The following CREB5 variants were observed in gnomAD, a reference collection of about 807,000 sequenced individuals.
The protein encoded by CREB5 is cyclic AMP-responsive element-binding protein 5.
In CREB5, 19 loss-of-function variants were observed where a neutral mutation model predicts 57.1. The observed-to-expected ratio is 0.33, with a 90% CI of 0.23 to 0.49. The LOEUF is 0.49. CREB5 is among the 20% of genes least tolerant of loss of function. The pLI is 0.99. For missense variants in CREB5, 579 were observed against 671.6 expected (o/e 0.86, Z 1.52); for synonymous variants, 238 against 238.3 (o/e 1.00, Z 0.01).
intron 4 of CREB5, among the ~76,000 whole-genome samples, chr7:28,551,010 T>C (rs971229905): frequency 2.6e-5 from 4 of 152,166 alleles, no homozygotes; most frequent in Admixed American, 2.6e-4. Context: ...ATACTTGATG[T>C]GGATTTGCTG....
chr7:28,354,989 C>CT (rs1786311529), intron 1 of CREB5, among the ~76,000 whole-genome samples: 1 of 152,178 alleles, frequency 6.6e-6, no homozygotes, highest in Non-Finnish European at 1.5e-5. Context: ...TAGCCACCCC[C>CT]GCATGGCTTG....
chr7:28,507,833 C>G, intron 4 of CREB5, 96 bp downstream of exon 4: 1 of 1,321,774 alleles, frequency 7.6e-7, no homozygotes, highest in South Asian at 2.4e-5. Flanking sequence ...GTTGATGTGG[C>G]CTTGAAGTAT....
At chr7:28,592,734 C>A (rs1217247567) in intron 5 of CREB5, among the ~76,000 whole-genome samples, 2 of 152,088 alleles carry the variant, frequency 1.3e-5, no homozygotes, top group Admixed American at 6.5e-5. Context: ...AAAGGGTCAC[C>A]AAGAAGTGAG....
In CREB5 at chr7:28,381,924, G is replaced by A. The variant is rs555775224; in HGVS notation, c.-25+82483G>A. ...AAAAAAAGGTTTTGTTACGGGAATT[G>A]GCTCACTTGATGACAAAGGCTAAGT... On this transcript the variant is annotated intron_variant, in intron 1 of 9. Transcript: ENST00000396299. Among the ~76,000 whole-genome samples, 26 of 152,340 alleles carry A rather than the reference G, an allele frequency of 1.7e-4. No individual in the cohort carries two copies. In the South Asian group the frequency reaches 5.4e-3, roughly 32 times the overall value.
intron 1 of CREB5, among the ~76,000 whole-genome samples, chr7:28,397,949 A>T (rs114452698): frequency 1.3e-5 from 2 of 152,210 alleles, no homozygotes; most frequent in Non-Finnish European, 2.9e-5. Flanking sequence ...TAAAATATAT[A>T]TAACAAAATT....
chr7:28,735,536 T>C (rs2128753512), intron 7 of CREB5, among the ~76,000 whole-genome samples: 1 of 152,302 alleles, frequency 6.6e-6, no homozygotes, highest in Non-Finnish European at 1.5e-5. Context: ...GCTGACTCCA[T>C]TCTCAAGCAA....
intron 7 of CREB5, among the ~76,000 whole-genome samples, chr7:28,764,634 C>T (rs1805854808): frequency 6.6e-6 from 1 of 152,192 alleles, no homozygotes; most frequent in South Asian, 2.1e-4. Flanking sequence ...CTTTTCAAAA[C>T]TCTTTGCAAA....
At chr7:28,704,062 C>T (rs1056470581) in intron 5 of CREB5, among the ~76,000 whole-genome samples, 4 of 152,178 alleles carry the variant, frequency 2.6e-5, no homozygotes, top group East Asian at 1.9e-4. Flanking sequence ...CTCAAAATGT[C>T]CAGTTTAAAC....
At chr7:28,392,945 A>G (rs1330688745) in intron 1 of CREB5, among the ~76,000 whole-genome samples, 2 of 149,970 alleles carry the variant, frequency 1.3e-5, no homozygotes, top group Admixed American at 1.3e-4. Context: ...TTTTTTTGAG[A>G]CAGAGTTTCG....
At chr7:28,801,497 T>TC (rs1407316515) in intron 7 of CREB5, among the ~76,000 whole-genome samples, 1 of 152,130 alleles carries the variant, frequency 6.6e-6, no homozygotes, top group Non-Finnish European at 1.5e-5. Flanking sequence ...ACCCAGCAAT[T>TC]CCCCAGATTT....
chr7:28,545,397 G>A (rs115631849), intron 4 of CREB5, among the ~76,000 whole-genome samples: 1,651 of 152,290 alleles, frequency 0.011, 31 homozygotes, highest in African/African-American at 0.038. Context: ...TTATTGTGCA[G>A]GCAGTGCCTT....
intron 5 of CREB5, among the ~76,000 whole-genome samples, chr7:28,678,505 C>G (rs1323714553): frequency 1.3e-5 from 2 of 152,196 alleles, no homozygotes; most frequent in Non-Finnish European, 2.9e-5. Context: ...TTAAAAGAGT[C>G]ACTATGATCA....
At chr7:28,733,772 G>C (rs1298551550) in intron 7 of CREB5, among the ~76,000 whole-genome samples, 1 of 152,140 alleles carries the variant, frequency 6.6e-6, no homozygotes, top group East Asian at 1.9e-4. Context: ...TCCTGTACTT[G>C]CTAGGTGCCC....
chr7:28,480,798 G>A lies in CREB5; in HGVS notation c.4-7377G>A, dbSNP rs369802557. The stretch of plus-strand genomic sequence containing the variant: ...TAAATGCGGTTCATACGCATTCAGC[G>A]ACTTACTCAACATTGCACCTCTCAT... On this transcript the variant is annotated intron_variant, in intron 1 of 10. Coordinates refer to ENST00000357727, the MANE Select transcript of CREB5 (RefSeq NM_182898.4). Among the ~76,000 whole-genome samples the A allele has an allele frequency of 3.9e-5, 6 of 152,246 alleles. 1 individual carries two copies. The East Asian group carries it at 9.7e-4, about 24-fold the overall frequency.
chr7:28,798,377 G>GGTGGGTGTGGGTGGGT (rs1407632592), intron 7 of CREB5, among the ~76,000 whole-genome samples: 4 of 152,164 alleles, frequency 2.6e-5, no homozygotes, highest in Admixed American at 1.3e-4. Context: ...GGTGGGTGTG[G>GGTGGGTGTGGGTGGGT]GTGGGTGTGC....
chr7:28,524,462 ACT>A (rs1342326707), intron 4 of CREB5, among the ~76,000 whole-genome samples: 1 of 152,098 alleles, frequency 6.6e-6, no homozygotes, highest in African/African-American at 2.4e-5. Flanking sequence ...AGATCGTGTC[ACT>A]GCACTCCAGC....
At chr7:28,585,856 C>T (rs1047969775) in intron 5 of CREB5, among the ~76,000 whole-genome samples, 48 of 152,192 alleles carry the variant, frequency 3.2e-4, no homozygotes, top group African/African-American at 1.0e-3. Context: ...GACACCTGTG[C>T]GGTCGGAACT....
intron 7 of CREB5, among the ~76,000 whole-genome samples, chr7:28,725,646 A>T (rs6971665): frequency 0.53 from 70,858 of 133,892 alleles, 18,188 homozygotes; most frequent in African/African-American, 0.62. Flanking sequence ...ATCTTTTTTT[A>T]AAAAAAAAAA....
intron 5 of CREB5, among the ~76,000 whole-genome samples, chr7:28,646,448 G>T (rs969771506): frequency 6.6e-6 from 1 of 152,130 alleles, no homozygotes; most frequent in African/African-American, 2.4e-5. Flanking sequence ...TATTTTGAAG[G>T]AACAATTTGA....
Sources: allele counts gnomAD v4.1 joint callset (sites outside exome capture counted in the v4.1 genomes callset), GRCh38; gene constraint gnomAD v4.1.1; transcripts MANE v1.5; gene names NCBI Gene and HGNC (gene_info 2026-07-23, HGNC 2026-07-21).